Variants in SUGCT observed in about 807,000 individuals in gnomAD.
SUGCT encodes the protein succinyl-CoA:glutarate-CoA transferase.
In SUGCT, 41 loss-of-function variants were observed where a neutral mutation model predicts 55.0. The ratio of observed to expected loss-of-function variants is 0.74; its 90% CI spans 0.58 to 0.97. The LOEUF (loss-of-function observed/expected upper bound fraction) is 0.97, where lower values mean the gene tolerates loss of function less well. SUGCT is among the 50% of genes least tolerant of loss of function. The pLI, the probability that SUGCT is intolerant of heterozygous loss-of-function variation, is 0.00. For synonymous variants in SUGCT, 187 were observed against 200.4 expected (o/e 0.93, Z 0.56); for missense variants, 568 against 547.8 (o/e 1.04, Z -0.37).
At chr7:40,394,860 C>CA (rs1785635790) in intron 9 of SUGCT, among the ~76,000 whole-genome samples, 1 of 152,326 alleles carries the variant, frequency 6.6e-6, no homozygotes, top group South Asian at 2.1e-4. Context: ...TTGCACATAA[C>CA]AGGAGTTCCT....
chr7:40,957,447 C>CTTTTTT, the SUGCT span, among the ~76,000 whole-genome samples: 18 of 76,104 alleles, frequency 2.4e-4, no homozygotes, highest in East Asian at 4.5e-4. Flanking sequence ...GCAACCCCTG[C>CTTTTTT]TTTTTTTTTT....
intron 13 of SUGCT, among the ~76,000 whole-genome samples, chr7:40,754,988 C>T (rs570111885): frequency 2.0e-5 from 3 of 152,224 alleles, no homozygotes; most frequent in South Asian, 2.1e-4. Context: ...AAAATGCAAT[C>T]AGATACATGA....
At chr7:40,319,454 G>A (rs563018688) in intron 9 of SUGCT, among the ~76,000 whole-genome samples, 3 of 152,218 alleles carry the variant, frequency 2.0e-5, no homozygotes, top group Non-Finnish European at 4.4e-5. Context: ...AGAAAACTTT[G>A]CATCTAAGTT....
intron 11 of SUGCT, among the ~76,000 whole-genome samples, chr7:40,465,429 G>T (rs1401321021): frequency 6.6e-6 from 1 of 152,024 alleles, no homozygotes; most frequent in Non-Finnish European, 1.5e-5. Flanking sequence ...GGCCAACATG[G>T]TGAAACCCTG....
intron 12 of SUGCT, among the ~76,000 whole-genome samples, chr7:40,718,727 T>C (rs1039986940): frequency 5.3e-5 from 8 of 152,306 alleles, no homozygotes; most frequent in Admixed American, 1.3e-4. Flanking sequence ...TGACTTTTTT[T>C]CAGAAAAAGC....
intron 12 of SUGCT, among the ~76,000 whole-genome samples, chr7:40,536,816 GCTT>G (rs1023902642): frequency 6.6e-6 from 1 of 152,190 alleles, no homozygotes; most frequent in Admixed American, 6.5e-5. Context: ...CTGAAGGAGA[GCTT>G]CTTAAGCTCT....
chr7:40,566,913 T>G (rs1796187414), intron 12 of SUGCT, among the ~76,000 whole-genome samples: 1 of 152,238 alleles, frequency 6.6e-6, no homozygotes, highest in South Asian at 2.1e-4. Context: ...TTTTTGTTAT[T>G]CATCTGGGTA....
chr7:40,727,405 C>G (rs1350281442), intron 12 of SUGCT, among the ~76,000 whole-genome samples: 1 of 152,146 alleles, frequency 6.6e-6, no homozygotes, highest in African/African-American at 2.4e-5. Flanking sequence ...GGAATCTAGC[C>G]CATTGGACCA....
At chr7:40,773,104 C>A (rs1342164248) in intron 13 of SUGCT, among the ~76,000 whole-genome samples, 1 of 151,940 alleles carries the variant, frequency 6.6e-6, no homozygotes, top group Non-Finnish European at 1.5e-5. Flanking sequence ...AATCATTTGA[C>A]CTTTTTATTA....
At chr7:40,460,771 C>G (rs1789751680) in intron 11 of SUGCT, among the ~76,000 whole-genome samples, 1 of 152,176 alleles carries the variant, frequency 6.6e-6, no homozygotes, top group Non-Finnish European at 1.5e-5. Flanking sequence ...ATTATATAAT[C>G]TGCAACCTTC....
At chr7:40,773,460 A>G (rs1322415466) in intron 13 of SUGCT, among the ~76,000 whole-genome samples, 1 of 152,016 alleles carries the variant, frequency 6.6e-6, no homozygotes, top group Admixed American at 6.6e-5. Flanking sequence ...TTTTGAGTGT[A>G]TTGCCTCTAT....
intron 9 of SUGCT, among the ~76,000 whole-genome samples, chr7:40,425,398 C>G (rs1448597788): frequency 6.6e-6 from 1 of 151,992 alleles, no homozygotes; most frequent in East Asian, 1.9e-4. Context: ...CTGGAAGGGA[C>G]TTGTCTAACA....
intron 12 of SUGCT, among the ~76,000 whole-genome samples, chr7:40,673,420 G>A (rs1451864366): frequency 2.0e-5 from 3 of 152,040 alleles, no homozygotes; most frequent in African/African-American, 7.2e-5. Flanking sequence ...AACTTCCCGT[G>A]GCCTTTCATC....
Position 40,274,559 on chromosome 7 carries a change from C to G in SUGCT, c.623C>G (p.Thr208Ser). 1 of 1,613,690 alleles carries G rather than the reference C, an allele frequency of 6.2e-7. No individual in the cohort carries two copies. ...GGAGTAGCTATGACTGATCTTGCCA[C>G]TGGCCTGTATGCATATGGAGCTATT... ...RPGVAMTDLA[T>S]GLYAYGAIMA... Residue 208 changes from threonine to serine, a missense_variant, in exon 8 of 14, where the codon ACT becomes AGT. Thr to Ser is a moderately conservative substitution (Grantham distance 58). Transcript: ENST00000335693.
intron 13 of SUGCT, among the ~76,000 whole-genome samples, chr7:40,853,010 G>A (rs934120294): frequency 6.6e-6 from 1 of 150,798 alleles, no homozygotes; most frequent in Non-Finnish European, 1.5e-5. Context: ...GTTACTAATT[G>A]ATGAGTTTGA....
intron 9 of SUGCT, among the ~76,000 whole-genome samples, chr7:40,322,592 A>G (rs1795812908): frequency 6.6e-6 from 1 of 152,136 alleles, no homozygotes; most frequent in South Asian, 2.1e-4. Context: ...TCCTTCAGCT[A>G]TAGTGTTGCC....
At chr7:40,339,688 G>A (rs749513902) in intron 9 of SUGCT, among the ~76,000 whole-genome samples, 6 of 152,288 alleles carry the variant, frequency 3.9e-5, no homozygotes, top group African/African-American at 1.2e-4. Context: ...GACCCCTTGC[G>A]CTTCCTGGGT....
At chr7:40,224,394 CTG>C (rs1490018707) in intron 6 of SUGCT, among the ~76,000 whole-genome samples, 1 of 121,812 alleles carries the variant, frequency 8.2e-6, no homozygotes, top group Non-Finnish European at 1.7e-5. Flanking sequence ...TTAGGATAAT[CTG>C]TGCGTGTGTG....
At chr7:40,470,184 A>G (rs1038953604) in intron 11 of SUGCT, among the ~76,000 whole-genome samples, 1 of 152,072 alleles carries the variant, frequency 6.6e-6, no homozygotes, top group Admixed American at 6.6e-5. Context: ...AGTTTGACTC[A>G]GTCAAATCTG....
Sources: gnomAD v4.1 joint callset for allele counts (sites outside exome capture counted in the v4.1 genomes callset) on GRCh38, gnomAD v4.1.1 for gene constraint, MANE v1.5 for transcripts, NCBI Gene and HGNC (gene_info 2026-07-23, HGNC 2026-07-21) for gene names.